The following SMARCA2 variants were observed in gnomAD, a reference collection of about 807,000 sequenced individuals.
The protein encoded by SMARCA2 is SWI/SNF related BAF chromatin remodeling complex subunit ATPase 2.
In SMARCA2, 61 loss-of-function variants were observed where a neutral mutation model predicts 199.8. The ratio of observed to expected loss-of-function variants is 0.31; its 90% confidence interval spans 0.25 to 0.38. The LOEUF (loss-of-function observed/expected upper bound fraction) is 0.38. Ranked by LOEUF, SMARCA2 falls within the 10% of genes least tolerant of loss-of-function variation. The pLI is 1.00. For missense variants in SMARCA2, 1,344 were observed against 2,012.2 expected (o/e 0.67, Z 6.35); for synonymous variants, 935 against 732.0 (o/e 1.28, Z -4.48).
chr9:2,101,021 T>A (rs996128565), intron 21 of SMARCA2, among the ~76,000 whole-genome samples: 22 of 152,170 alleles, frequency 1.4e-4, no homozygotes, highest in African/African-American at 5.1e-4. Flanking sequence ...TGAGACTTAT[T>A]CACAACCATG....
intron 29 of SMARCA2, among the ~76,000 whole-genome samples, chr9:2,178,312 T>C (rs1246457403): frequency 6.6e-6 from 1 of 152,206 alleles, no homozygotes. Context: ...GAGCCATACT[T>C]TCTAGCCTGA....
chr9:2,062,103 G>A (rs1215704048), intron 9 of SMARCA2, among the ~76,000 whole-genome samples: 1 of 152,170 alleles, frequency 6.6e-6, no homozygotes, highest in Non-Finnish European at 1.5e-5. Context: ...ATACGTAAGG[G>A]GGGAGGGAAG....
intron 21 of SMARCA2, among the ~76,000 whole-genome samples, chr9:2,098,931 C>G (rs1763349896): frequency 6.7e-6 from 1 of 148,220 alleles, no homozygotes; most frequent in Non-Finnish European, 1.5e-5. Flanking sequence ...TGAGTGACAA[C>G]AGCGAAACTC....
At chr9:2,041,489 C>T in intron 4 of SMARCA2, 1 of 398,306 alleles carries the variant, frequency 2.5e-6, no homozygotes, top group Non-Finnish European at 4.4e-6. Context: ...GGCATGAATC[C>T]CAATTATGAG....
At chr9:2,168,314 G>A (rs1017260680) in intron 28 of SMARCA2, among the ~76,000 whole-genome samples, 8 of 152,116 alleles carry the variant, frequency 5.3e-5, no homozygotes, top group Non-Finnish European at 8.8e-5. Flanking sequence ...CCCGGCAAAT[G>A]ATCTGATATT....
intron 33 of SMARCA2, 181 bp downstream of exon 33, chr9:2,191,589 G>A (rs1443315174): frequency 3.5e-6 from 2 of 576,088 alleles, no homozygotes; most frequent in Non-Finnish European, 2.9e-6. Flanking sequence ...ACAAAGGATT[G>A]GGGGCTTTGT....
At chr9:2,073,804 G>T (rs528705408) in intron 12 of SMARCA2, among the ~76,000 whole-genome samples, 181 bp downstream of exon 12, 1 of 152,328 alleles carries the variant, frequency 6.6e-6, no homozygotes, top group South Asian at 2.1e-4. Flanking sequence ...TAGTGGTACA[G>T]TGATCTCTTG....
At chr9:2,162,712 A>G (rs1373319977) in intron 28 of SMARCA2, 2 of 152,210 alleles carry the variant, frequency 1.3e-5, no homozygotes, top group East Asian at 3.8e-4. Flanking sequence ...TCTCAGTTGC[A>G]TAGTGGTATT....
intron 27 of SMARCA2, among the ~76,000 whole-genome samples, chr9:2,152,304 C>A (rs1233121941): frequency 6.6e-6 from 1 of 152,214 alleles, no homozygotes; most frequent in Non-Finnish European, 1.5e-5. Context: ...GTAATCCCAG[C>A]ACTTTGGGTG....
chr9:2,156,169 C>G (rs986562592), intron 27 of SMARCA2, among the ~76,000 whole-genome samples: 2 of 152,058 alleles, frequency 1.3e-5, no homozygotes, highest in African/African-American at 2.4e-5. Context: ...TCGAAAAGTT[C>G]TAGCCATTGG....
chr9:2,175,353 G>A (rs577216882), intron 29 of SMARCA2, among the ~76,000 whole-genome samples: 53 of 140,992 alleles, frequency 3.8e-4, no homozygotes, highest in African/African-American at 1.3e-3. Flanking sequence ...TGGATCTTAC[G>A]TCCTGTTTCA....
At chr9:2,188,257 A>T (rs975204669) in intron 32 of SMARCA2, among the ~76,000 whole-genome samples, 24 of 152,136 alleles carry the variant, frequency 1.6e-4, no homozygotes, top group African/African-American at 5.6e-4. Context: ...ATACTCTGTT[A>T]ATCAGGCTGT....
Position 2,171,222 on chromosome 9 carries a change from T to A in SMARCA2, c.4253+750T>A, listed in dbSNP as rs1055523029. On this transcript the variant is annotated intron_variant, in intron 29 of 33. Transcript: ENST00000349721. ...TAATATAAGAGAGATAACATTTCTT[T>A]CTCCATTTCGGTCAACCTGTACTTA... is the stretch of plus-strand genomic sequence containing the variant. Among the ~76,000 whole-genome samples, 5 of 152,306 alleles carry A rather than the reference T, an allele frequency of 3.3e-5. No individual in the cohort carries two copies. The East Asian group carries it at 9.6e-4, about 29-fold the overall frequency.
At chr9:2,172,444 G>A (rs931734440) in intron 29 of SMARCA2, among the ~76,000 whole-genome samples, 4 of 149,582 alleles carry the variant, frequency 2.7e-5, no homozygotes, top group Non-Finnish European at 4.5e-5. Context: ...GGGTGGGGGG[G>A]CAGAGCTTGT....
chr9:2,071,955 A>C (rs1821108347), intron 10 of SMARCA2: 1 of 152,202 alleles, frequency 6.6e-6, no homozygotes, highest in African/African-American at 2.4e-5. Context: ...AAAAAACGAC[A>C]ATCTGGAGTA....
intron 1 of SMARCA2, among the ~76,000 whole-genome samples, chr9:2,018,399 G>A (rs893618733): frequency 2.6e-5 from 4 of 152,096 alleles, no homozygotes; most frequent in African/African-American, 9.7e-5. Context: ...TGGTGCTTTG[G>A]AAAAAGCAAA....
intron 27 of SMARCA2, among the ~76,000 whole-genome samples, chr9:2,141,838 A>G (rs1297759228): frequency 2.0e-5 from 3 of 152,172 alleles, no homozygotes; most frequent in Non-Finnish European, 4.4e-5. Context: ...CCCTTTGCCC[A>G]CTGAGCTGAT....
intron 9 of SMARCA2, among the ~76,000 whole-genome samples, chr9:2,065,393 A>G (rs1820794601): frequency 6.6e-6 from 1 of 152,218 alleles, no homozygotes; most frequent in Admixed American, 6.5e-5. Context: ...TAGACCAGAT[A>G]TAGTCTTCAT....
intron 22 of SMARCA2, among the ~76,000 whole-genome samples, chr9:2,101,906 T>C (rs1822533565): frequency 6.6e-6 from 1 of 152,230 alleles, no homozygotes; most frequent in South Asian, 2.1e-4. Flanking sequence ...TTGTTATTTA[T>C]AACCAAAAGT....
Sources: gnomAD v4.1 joint callset for allele counts (sites outside exome capture counted in the v4.1 genomes callset) on GRCh38, gnomAD v4.1.1 for gene constraint, MANE v1.5 for transcripts, NCBI Gene and HGNC (gene_info 2026-07-23, HGNC 2026-07-21) for gene names.